Variants in YAF2 observed in about 807,000 individuals in gnomAD.
The protein encoded by YAF2 is YY1-associated factor 2.
A neutral mutation model predicts 20.1 loss-of-function variants in YAF2; 7 were observed. That is an observed-to-expected ratio of 0.35 (90% CI 0.20 to 0.65). The LOEUF (loss-of-function observed/expected upper bound fraction) is 0.65. Among genes scored for constraint, YAF2 ranks in the 30% least tolerant of loss-of-function variants. The probability of loss-of-function intolerance (pLI) is 0.69; values close to 1 mark genes in which losing one functional copy is unlikely to be tolerated. For synonymous variants in YAF2, 74 were observed against 76.0 expected, an observed-to-expected ratio of 0.97 and a Z score of 0.14; for missense variants, 151 against 219.2, an observed-to-expected ratio of 0.69 and a Z score of 1.96.
At chr12:42,179,652 G>A (rs1013403974) in intron 2 of YAF2, among the ~76,000 whole-genome samples, 1 of 151,790 alleles carries the variant, frequency 6.6e-6, no homozygotes, top group Non-Finnish European at 1.5e-5. Flanking sequence ...AGCCAGGCGT[G>A]GTGGCACGTG....
rs115954239 is a variant in YAF2 at position 42,210,330 on chromosome 12, G to A, written c.152+27269C>T. The A allele has an allele frequency of 2.0e-3, 2,990 of 1,464,678 alleles. 56 individuals carry two copies. In the African/African-American group the frequency reaches 0.038, roughly 19 times the overall value. 90.7% of individuals were successfully genotyped at this position (1,464,678 alleles called of 1,614,324 possible). On this transcript the variant is annotated intron_variant, in intron 2 of 3. Coordinates refer to ENST00000534854, the MANE Select transcript of YAF2 (RefSeq NM_005748.6). ...AAATTTGGGGGGAAAAAAAATCTCA[G>A]GTTTGTGAAAACTAGATTACTTACC...
intron 2 of YAF2, among the ~76,000 whole-genome samples, chr12:42,227,805 AGCCCCCCGCCTGGCCAGCCGTGCCG>A (rs2067784833): frequency 7.2e-6 from 1 of 138,062 alleles, no homozygotes; most frequent in Non-Finnish European, 1.6e-5. Flanking sequence ...TGGGGGGGTC[AGCCCCCCGCCTGGCCAGCCGTGCCG>A]TCCGGGAGGG....
chr12:42,202,237 T>C (rs1028141328), intron 2 of YAF2, among the ~76,000 whole-genome samples: 2 of 152,206 alleles, frequency 1.3e-5, no homozygotes, highest in African/African-American at 4.8e-5. Flanking sequence ...AGTTTGTCTT[T>C]TCCTGTACTA....
chr12:42,182,766 A>C (rs2066376209), intron 2 of YAF2, among the ~76,000 whole-genome samples: 1 of 152,232 alleles, frequency 6.6e-6, no homozygotes. Flanking sequence ...TGCAGGAAAA[A>C]GAATTTACAT....
At chr12:42,162,184 T>A (rs2065814026) in intron 2 of YAF2, among the ~76,000 whole-genome samples, 1 of 152,216 alleles carries the variant, frequency 6.6e-6, no homozygotes, top group African/African-American at 2.4e-5. Context: ...AATGGCTATC[T>A]GTTCTTTAAA....
chr12:42,237,571 C>T, intron 2 of YAF2, 28 bp downstream of exon 2: 2 of 1,490,954 alleles, frequency 1.3e-6, no homozygotes, highest in Non-Finnish European at 8.9e-7. Context: ...CGCCGGCCGG[C>T]GGCGCGAGGG....
Position 42,160,558 on chromosome 12 carries a change from G to C in YAF2, c.*31C>G. On this transcript the variant is annotated 3_prime_UTR_variant, in exon 4 of 4. Transcript: ENST00000534854. ...ATCTGTGTATTTGCATGGTAGGACA[G>C]AAGTGACTAAGAAATTGGAGAAAAT... is the stretch of plus-strand genomic sequence containing the variant. The C allele has an allele frequency of 6.4e-7, 1 of 1,559,282 alleles. No individual in the cohort carries two copies. The highest frequency in any genetic ancestry group is 8.8e-7 in the Non-Finnish European group (1 of 1,133,308).
chr12:42,177,588 C>G (rs566403053), intron 2 of YAF2, among the ~76,000 whole-genome samples: 2 of 152,226 alleles, frequency 1.3e-5, no homozygotes, highest in East Asian at 3.9e-4. Context: ...GCCTTATCTC[C>G]AAATACAGTC....
At chr12:42,166,731 C>T (rs2065924897) in intron 2 of YAF2, among the ~76,000 whole-genome samples, 1 of 151,896 alleles carries the variant, frequency 6.6e-6, no homozygotes, top group East Asian at 1.9e-4. Context: ...ACACCATCCC[C>T]TGATTCATCT....
chr12:42,186,077 G>A (rs1474889239), intron 2 of YAF2, among the ~76,000 whole-genome samples: 1 of 150,254 alleles, frequency 6.7e-6, no homozygotes, highest in African/African-American at 2.5e-5. Context: ...TATAATCCCA[G>A]CTACTCAGGA....
At chr12:42,237,845 G>C (rs1370571089) in intron 1 of YAF2, 121 bp from the exon 2 acceptor site, 3 of 848,448 alleles carry the variant, frequency 3.5e-6, no homozygotes, top group South Asian at 1.1e-4. Context: ...CCCGCCCCGC[G>C]GGCCCTCGGC....
chr12:42,228,187 G>C, intron 2 of YAF2, among the ~76,000 whole-genome samples: 1 of 107,506 alleles, frequency 9.3e-6, no homozygotes, highest in Non-Finnish European at 1.9e-5. Flanking sequence ...GCCCCGTCCG[G>C]GAGGGAGGTG....
At chr12:42,204,627 G>A (rs1043880324) in intron 2 of YAF2, among the ~76,000 whole-genome samples, 1 of 152,088 alleles carries the variant, frequency 6.6e-6, no homozygotes, top group Non-Finnish European at 1.5e-5. Context: ...GTTCACAGAA[G>A]ACTATTCATA....
intron 2 of YAF2, among the ~76,000 whole-genome samples, chr12:42,183,753 G>A (rs1259744712): frequency 6.6e-6 from 1 of 152,214 alleles, no homozygotes; most frequent in East Asian, 1.9e-4. Flanking sequence ...AGTTGATAGA[G>A]GTGGCTACAC....
At chr12:42,167,452 C>T (rs556231152) in intron 2 of YAF2, among the ~76,000 whole-genome samples, 56 of 152,238 alleles carry the variant, frequency 3.7e-4, no homozygotes, top group South Asian at 6.2e-4. Flanking sequence ...AATAAATGTT[C>T]TCCTTCTTTG....
intron 2 of YAF2, among the ~76,000 whole-genome samples, chr12:42,168,205 C>G (rs2065959141): frequency 7.5e-6 from 1 of 133,836 alleles, no homozygotes; most frequent in Non-Finnish European, 1.6e-5. Context: ...TGAAATGGAG[C>G]TTCGCTTTTG....
intron 2 of YAF2, among the ~76,000 whole-genome samples, chr12:42,224,280 T>C (rs2067615362): frequency 6.6e-6 from 1 of 152,226 alleles, no homozygotes; most frequent in South Asian, 2.1e-4. Flanking sequence ...TAAGCATGTA[T>C]TTATAATATA....
intron 2 of YAF2, chr12:42,237,392 A>G: frequency 1.6e-6 from 2 of 1,267,142 alleles, no homozygotes; most frequent in Non-Finnish European, 2.0e-6. Flanking sequence ...TGGCAGCAAA[A>G]AACGTTACAG....
chr12:42,233,501 T>C, intron 2 of YAF2: 1 of 982,290 alleles, frequency 1.0e-6, no homozygotes, highest in Non-Finnish European at 1.2e-6. Flanking sequence ...TATTTCATTT[T>C]CTCTGATGAC....
Sources: allele counts gnomAD v4.1 joint callset (sites outside exome capture counted in the v4.1 genomes callset), GRCh38; gene constraint gnomAD v4.1.1; transcripts MANE v1.5; gene names NCBI Gene and HGNC (gene_info 2026-07-23, HGNC 2026-07-21).